CALM3: variants seen among roughly 807,000 people sequenced by gnomAD.
The protein encoded by CALM3 is calmodulin-3.
Under a neutral mutation model 20.1 loss-of-function variants are expected in CALM3, and 5 were observed. The ratio of observed to expected loss-of-function variants is 0.25; its 90% CI spans 0.13 to 0.52. CALM3 has a LOEUF of 0.52. CALM3 is among the 20% of genes least tolerant of loss of function. The pLI is 0.96. For missense variants in CALM3, 57 were observed against 192.8 expected (o/e 0.30, Z 4.17); for synonymous variants, 69 against 68.1 (o/e 1.01, Z -0.06).
At position 46,609,349 on chromosome 19, in the gene CALM3, A is replaced by G; in HGVS notation, c.*196A>G. ...CTCCTTCTTCCCTGAGTCTCTCTCCATGCCCCTCATCTCTTCCTTTTGCCC... is the reference window on the plus strand; with the variant it reads ...CTCCTTCTTCCCTGAGTCTCTCTCCGTGCCCCTCATCTCTTCCTTTTGCCC... On this transcript the variant is annotated 3_prime_UTR_variant, in exon 6 of 6. Transcript: ENST00000291295. The G allele has an allele frequency of 1.6e-6, 1 of 637,100 alleles. No homozygotes were observed. The allele number at this position is 637,100 out of a possible 1,614,324, so 39.5% of individuals were successfully genotyped here.
At chr19:46,609,016 A>C in intron 5 of CALM3, 35 bp downstream of exon 5, 1 of 1,606,894 alleles carries the variant, frequency 6.2e-7, no homozygotes, top group South Asian at 1.1e-5. Context: ...CTGGAACAAG[A>C]AGAGAATCGC....
Position 46,608,107 on chromosome 19 carries a change from G to C in CALM3, c.35-90G>C, listed in dbSNP as rs1971781787. The C allele has an allele frequency of 7.7e-7, 1 of 1,301,914 alleles. No homozygotes were observed. The highest frequency in any genetic ancestry group is 1.1e-6 in the Non-Finnish European group (1 of 934,558). 80.6% of individuals were successfully genotyped at this position (1,301,914 alleles called of 1,614,324 possible). ...TCTTTAGGTGGGACTGATGCCCTTG[G>C]CCTTCCTCCAGGGAAGGCATCCAGC... On this transcript the variant is annotated intron_variant, in intron 2 of 5. Transcript: ENST00000291295. This position sits in a 1 kb window ranked among gnomAD's most constrained non-coding sequence, Gnocchi z 5.5.
In CALM3 at chr19:46,609,554, G is replaced by C. The variant is rs1235636091; in HGVS notation, c.*401G>C. 4.5e-6 allele frequency: 1 copy of C among 223,970 alleles called. No individual in the cohort carries two copies. The highest frequency in any genetic ancestry group is 8.9e-6 in the Non-Finnish European group (1 of 112,572). 13.9% of individuals were successfully genotyped at this position (223,970 alleles called of 1,614,324 possible). On this transcript the variant is annotated 3_prime_UTR_variant, in exon 6 of 6. Coordinates refer to ENST00000291295, the MANE Select transcript of CALM3 (RefSeq NM_005184.4). ...GGGGTGGCTGCCAGCCCTGTCCCGG[G>C]ACCTGCTGGGAGGGACAAGAGGCCC...
chr19:46,605,938 C>A lies in CALM3; in HGVS notation c.34+81C>A. The A allele has an allele frequency of 8.0e-7, 1 of 1,251,336 alleles. No individual in the cohort carries two copies. The highest frequency in any genetic ancestry group is 2.3e-5 in the East Asian group (1 of 43,156). The allele number at this position is 1,251,336 out of a possible 1,614,324, so 77.5% of individuals were successfully genotyped here. ...AATCTTAGCCACTGAGGAGTGACATCTGATGGGTGAACCTGTGTATCCCTT... is the reference window on the plus strand; with the variant it reads ...AATCTTAGCCACTGAGGAGTGACATATGATGGGTGAACCTGTGTATCCCTT... On this transcript the variant is annotated intron_variant, in intron 2 of 5. Coordinates refer to ENST00000291295, the MANE Select transcript of CALM3 (RefSeq NM_005184.4). The surrounding 1 kb of genome is among the most constrained non-coding windows in gnomAD (Gnocchi z 4.1).
intron 1 of CALM3, chr19:46,602,136 C>T (rs1462438681): frequency 7.5e-7 from 1 of 1,327,888 alleles, no homozygotes; most frequent in Non-Finnish European, 1.0e-6. Flanking sequence ...TGGGTGGCAG[C>T]GGAGATTAGA....
upstream of CALM3, chr19:46,601,191 G>A (rs1971602212): frequency 4.8e-6 from 2 of 416,430 alleles, no homozygotes; most frequent in Non-Finnish European, 8.1e-6. The surrounding 1 kb of genome is among the most constrained non-coding windows in gnomAD (Gnocchi z 4.2). Flanking sequence ...GGAGCGGGGC[G>A]CGGAGGGATC....
chr19:46,608,478 C>A lies in CALM3; in HGVS notation c.179-4C>A. 6.2e-7 allele frequency: 1 copy of A among 1,613,284 alleles called. No individual in the cohort carries two copies. Among genetic ancestry groups the A allele is most frequent in the South Asian group, 1.1e-5 (1 of 91,076 alleles). On this transcript the variant is annotated splice_region_variant and splice_polypyrimidine_tract_variant and intron_variant, in intron 3 of 5. Coordinates refer to ENST00000291295, the MANE Select transcript of CALM3 (RefSeq NM_005184.4). The surrounding 1 kb of genome is among the most constrained non-coding windows in gnomAD (Gnocchi z 5.5). ...GCATTCTCCATCCTTTCCCCACCTTCCAGGGAACGGGACCATTGACTTCCC... is the reference window on the plus strand; with the variant it reads ...GCATTCTCCATCCTTTCCCCACCTTACAGGGAACGGGACCATTGACTTCCC...
Position 46,605,919 on chromosome 19 carries a change from A to C in CALM3, c.34+62A>C, listed in dbSNP as rs371227609. 3.6e-5 allele frequency: 54 copies of C among 1,487,046 alleles called. No homozygotes were observed. The highest frequency in any genetic ancestry group is 1.7e-4 in the Middle Eastern group (1 of 5,826). 92.1% of individuals were successfully genotyped at this position (1,487,046 alleles called of 1,614,324 possible). A position where few individuals can be genotyped will look rare whatever the true frequency, so the allele number is the denominator to read the frequency against. ...GCCTCCACATCCCCAGCCAAATCTT[A>C]GCCACTGAGGAGTGACATCTGATGG... On this transcript the variant is annotated intron_variant, in intron 2 of 5. Coordinates refer to ENST00000291295, the MANE Select transcript of CALM3 (RefSeq NM_005184.4). This position sits in a 1 kb window ranked among gnomAD's most constrained non-coding sequence, Gnocchi z 4.1.
At chr19:46,602,090 G>A in intron 1 of CALM3, 4 of 1,308,700 alleles carry the variant, frequency 3.1e-6, no homozygotes, top group Admixed American at 4.6e-5. Context: ...GGAGGAGGAG[G>A]GTGAGGTGCA....
At chr19:46,609,045 C>T (rs1471182685) in intron 5 of CALM3, 64 bp downstream of exon 5, 3 of 1,612,544 alleles carry the variant, frequency 1.9e-6, no homozygotes, top group African/African-American at 1.3e-5. Flanking sequence ...GAACAAGCCC[C>T]CAGATCCCTC....
chr19:46,601,115 C>A, upstream of CALM3: 1 of 837,148 alleles, frequency 1.2e-6, no homozygotes, highest in Non-Finnish European at 1.8e-6. The surrounding 1 kb of genome is among the most constrained non-coding windows in gnomAD (Gnocchi z 4.2). Flanking sequence ...CGAGCGCGCG[C>A]GCGCCCGGCG....
At chr19:46,602,480 G>T in intron 1 of CALM3, 1 of 264,572 alleles carries the variant, frequency 3.8e-6, no homozygotes, top group Non-Finnish European at 7.7e-6. Flanking sequence ...TTTGGGGGTG[G>T]ATGTGGGTAG....
intron 1 of CALM3, chr19:46,602,323 ACAG>A (rs1474040122): frequency 1.3e-6 from 1 of 754,820 alleles, no homozygotes; most frequent in Non-Finnish European, 1.9e-6. Context: ...CTCTAGAAAG[ACAG>A]AATTTTTTTA....
In CALM3 at chr19:46,605,772, G is replaced by T; in HGVS notation, c.4-55G>T. 1 of 1,594,490 alleles carries T rather than the reference G, an allele frequency of 6.3e-7. No individual in the cohort carries two copies. The highest frequency in any genetic ancestry group is 8.6e-7 in the Non-Finnish European group (1 of 1,162,504). ...CCGAGGGTCTGGGCTGAGTGAGGAA[G>T]ATGCGTCCGTGCTGTCCGGCCTGGT... On this transcript the variant is annotated intron_variant, in intron 1 of 5. Coordinates refer to ENST00000291295, the MANE Select transcript of CALM3 (RefSeq NM_005184.4). This position sits in a 1 kb window ranked among gnomAD's most constrained non-coding sequence, Gnocchi z 4.1.
At chr19:46,607,194 A>G (rs1009035994) in intron 2 of CALM3, among the ~76,000 whole-genome samples, 1 of 152,040 alleles carries the variant, frequency 6.6e-6, no homozygotes, top group Admixed American at 6.5e-5. Flanking sequence ...AGCCTCCCCA[A>G]AGAGACTCTT....
At position 46,601,670 on chromosome 19, in the gene CALM3, A is replaced by C. The variant is rs1971620398; in HGVS notation, c.3+233A>C. Among the ~76,000 whole-genome samples, 1 of 152,096 alleles carries C rather than the reference A, an allele frequency of 6.6e-6. No individual in the cohort carries two copies. The highest frequency in any genetic ancestry group is 2.4e-5 in the African/African-American group (1 of 41,432). On this transcript the variant is annotated intron_variant, in intron 1 of 5. Coordinates refer to ENST00000291295, the MANE Select transcript of CALM3 (RefSeq NM_005184.4). The surrounding 1 kb of genome is among the most constrained non-coding windows in gnomAD (Gnocchi z 4.2). ...CCAAATGGGATGTTTAAGTCCACAA[A>C]TGGGTATCTGAGCCCCTAAAGGGGA... is the stretch of plus-strand genomic sequence containing the variant.
rs188865816 is a variant in CALM3 at position 46,605,790 on chromosome 19, G to C, written c.4-37G>C. Reference sequence around the variant, plus strand: ...TGAGGAAGATGCGTCCGTGCTGTCCGGCCTGGTGACTGACTTTCCCCTTCA... The same window carrying C: ...TGAGGAAGATGCGTCCGTGCTGTCCCGCCTGGTGACTGACTTTCCCCTTCA... On this transcript the variant is annotated intron_variant, in intron 1 of 5. Coordinates refer to ENST00000291295, the MANE Select transcript of CALM3 (RefSeq NM_005184.4). This position sits in a 1 kb window ranked among gnomAD's most constrained non-coding sequence, Gnocchi z 4.1. 6.2e-7 allele frequency: 1 copy of C among 1,612,756 alleles called. No homozygotes were observed.
Position 46,605,983 on chromosome 19 carries a change from C to G in CALM3, c.34+126C>G, listed in dbSNP as rs1599756714. On this transcript the variant is annotated intron_variant, in intron 2 of 5. Coordinates refer to ENST00000291295, the MANE Select transcript of CALM3 (RefSeq NM_005184.4). This position sits in a 1 kb window ranked among gnomAD's most constrained non-coding sequence, Gnocchi z 4.1. ...TCCCTTGTGTCACCTAACACTATGC[C>G]TTGTGCCTAGAATGCTGATAAATGT... 1 of 830,416 alleles carries G rather than the reference C, an allele frequency of 1.2e-6. No individual in the cohort carries two copies. 51.4% of individuals were successfully genotyped at this position (830,416 alleles called of 1,614,324 possible). A position where few individuals can be genotyped will look rare whatever the true frequency, so the allele number is the denominator to read the frequency against.
In CALM3 at chr19:46,601,568, T is replaced by C; in HGVS notation, c.3+131T>C. 2 of 870,272 alleles carry C rather than the reference T, an allele frequency of 2.3e-6. No individual in the cohort carries two copies. 53.9% of individuals were successfully genotyped at this position (870,272 alleles called of 1,614,324 possible). A position where few individuals can be genotyped will look rare whatever the true frequency, so the allele number is the denominator to read the frequency against. On this transcript the variant is annotated intron_variant, in intron 1 of 5. Coordinates refer to ENST00000291295, the MANE Select transcript of CALM3 (RefSeq NM_005184.4). The surrounding 1 kb of genome is among the most constrained non-coding windows in gnomAD (Gnocchi z 4.2). The stretch of plus-strand genomic sequence containing the variant: ...CGGCGAGAGCCTCGGGACCCTTTTC[T>C]ACCCGCGTTGTCGGGGGCTGTTGAA...
Sources: gnomAD v4.1 joint callset for allele counts (sites outside exome capture counted in the v4.1 genomes callset) on GRCh38, gnomAD v4.1.1 for gene constraint, Gnocchi (gnomAD v3.1) non-coding constraint, MANE v1.5 for transcripts, NCBI Gene and HGNC (gene_info 2026-07-23, HGNC 2026-07-21) for gene names.